SH3BP2: variants seen among roughly 807,000 people sequenced by gnomAD.
SH3BP2 encodes SH3 domain-binding protein 2.
In SH3BP2, 38 loss-of-function variants were observed where a neutral mutation model predicts 56.2. The observed-to-expected ratio is 0.68, with a 90% CI of 0.52 to 0.89. The LOEUF (loss-of-function observed/expected upper bound fraction) is 0.89, where lower values mean the gene tolerates loss of function less well. SH3BP2 is among the 40% of genes least tolerant of loss of function. SH3BP2 has a pLI of 0.00. For synonymous variants in SH3BP2, 346 were observed against 316.7 expected, an observed-to-expected ratio of 1.09 and a Z score of -0.98; for missense variants, 748 against 762.6, an observed-to-expected ratio of 0.98 and a Z score of 0.23.
intron 7 of SH3BP2, among the ~76,000 whole-genome samples, chr4:2,828,513 G>T (rs1724800018): frequency 6.6e-6 from 1 of 152,174 alleles, no homozygotes; most frequent in African/African-American, 2.4e-5. Flanking sequence ...GCTTGCCTCA[G>T]TTTCCTTCCA....
chr4:2,824,766 G>T, intron 4 of SH3BP2, 36 bp downstream of exon 4: 1 of 1,484,878 alleles, frequency 6.7e-7, no homozygotes, highest in Non-Finnish European at 9.4e-7. Flanking sequence ...CAAGGTGACT[G>T]GGGGTGTGGG....
intron 1 of SH3BP2, among the ~76,000 whole-genome samples, chr4:2,816,354 T>G (rs931351233): frequency 3.9e-5 from 6 of 152,280 alleles, no homozygotes; most frequent in Non-Finnish European, 8.8e-5. Flanking sequence ...CTAATAATTT[T>G]TAAGTGGATT....
intron 1 of SH3BP2, chr4:2,818,710 T>TC: frequency 1.0e-6 from 1 of 996,188 alleles, no homozygotes; most frequent in East Asian, 1.0e-4. Context: ...GCGCCTTTGT[T>TC]CCAAACCTTG....
chr4:2,833,370 C>A, intron 12 of SH3BP2: 1 of 571,290 alleles, frequency 1.8e-6, no homozygotes, highest in Non-Finnish European at 3.1e-6. Flanking sequence ...AATTCTGGGG[C>A]TCAAGCAATC....
chr4:2,823,084 G>A (rs773077208), intron 3 of SH3BP2, 47 bp downstream of exon 3: 7 of 1,388,602 alleles, frequency 5.0e-6, no homozygotes, highest in South Asian at 1.2e-5. Context: ...ACAGCCAGCG[G>A]GTCCCTCCCA....
rs558873020 is a variant in SH3BP2 at position 2,804,134 on chromosome 4, G to A, written c.-5+10996G>A. Among the ~76,000 whole-genome samples the A allele has an allele frequency of 5.3e-5, 8 of 152,260 alleles. No homozygotes were observed. In the South Asian group the frequency reaches 1.4e-3, roughly 28 times the overall value. The stretch of plus-strand genomic sequence containing the variant: ...TCCCTGGCCTCGGTTTCCTGCTCTC[G>A]GTTTCCTCAGCTGCCTGGTGGGTTC... On this transcript the variant is annotated intron_variant, in intron 1 of 12. Coordinates refer to ENST00000503393, the MANE Select transcript of SH3BP2 (RefSeq NM_001122681.2).
chr4:2,832,231 A>G (rs1725026347), intron 10 of SH3BP2, 100 bp from the exon 11 acceptor site: 3 of 1,144,364 alleles, frequency 2.6e-6, no homozygotes, highest in Non-Finnish European at 4.0e-6. Context: ...GACCTACAAC[A>G]GCGAGAGGAC....
chr4:2,825,138 T>A lies in SH3BP2; in HGVS notation c.370T>A (p.Leu124Met). ...SEEERKSWMALLRREIGHFHE... is the reference protein window; with the variant it reads ...SEEERKSWMAMLRREIGHFHE... ...CGCTGACCTGCAGAGCTGGATGGCCTTGCTGCGCAGGGAGATTGGCCACTT... is the reference window on the plus strand; with the variant it reads ...CGCTGACCTGCAGAGCTGGATGGCCATGCTGCGCAGGGAGATTGGCCACTT... Residue 124 changes from leucine to methionine, a missense_variant, in exon 5 of 13, where the codon TTG becomes ATG. Transcript: ENST00000503393. 1 of 1,577,112 alleles carries A rather than the reference T, an allele frequency of 6.3e-7. No homozygotes were observed. The highest frequency in any genetic ancestry group is 8.6e-7 in the Non-Finnish European group (1 of 1,161,372).
At chr4:2,815,476 C>T (rs573801236) in intron 1 of SH3BP2, among the ~76,000 whole-genome samples, 3 of 152,344 alleles carry the variant, frequency 2.0e-5, no homozygotes, top group Admixed American at 6.5e-5. Context: ...CAGGCAGGAA[C>T]GAGCCCCTCA....
intron 1 of SH3BP2, among the ~76,000 whole-genome samples, chr4:2,795,582 G>A (rs1004872426): frequency 1.4e-4 from 22 of 152,334 alleles, no homozygotes; most frequent in African/African-American, 5.1e-4. Flanking sequence ...CGGGGAATTT[G>A]CCACAAGGTG....
At chr4:2,820,529 C>A in intron 1 of SH3BP2, 85 bp from the exon 2 acceptor site, 1 of 1,543,252 alleles carries the variant, frequency 6.5e-7, no homozygotes, top group Non-Finnish European at 9.0e-7. Flanking sequence ...TGTCCTGGAT[C>A]TTGGCAGTGT....
intron 1 of SH3BP2, chr4:2,812,127 A>C: frequency 7.5e-7 from 1 of 1,335,850 alleles, no homozygotes. Context: ...AGTGGAAGGT[A>C]GGAGTTAAAA....
At chr4:2,812,196 G>A in intron 1 of SH3BP2, 1 of 1,466,776 alleles carries the variant, frequency 6.8e-7, no homozygotes, top group Non-Finnish European at 9.0e-7. Flanking sequence ...ACCTCACAGG[G>A]TAGAAGGCAG....
chr4:2,793,716 G>A (rs1722972492), intron 1 of SH3BP2: 1 of 152,234 alleles, frequency 6.6e-6, no homozygotes, highest in Admixed American at 6.5e-5. Context: ...GCTTCACGGA[G>A]GGCAAGAAAA....
Position 2,831,893 on chromosome 4 carries a change from G to A in SH3BP2, c.1351-30G>A, listed in dbSNP as rs369347177. On this transcript the variant is annotated intron_variant, in intron 9 of 12. Coordinates refer to ENST00000503393, the MANE Select transcript of SH3BP2 (RefSeq NM_001122681.2). The surrounding 1 kb of genome is among the most constrained non-coding windows in gnomAD (Gnocchi z 4.1). ...GGTGGTGCGGGTGGATCACTCCGAC[G>A]TTGGCACTGACACCGTCAGCCTCTT... 6.2e-6 allele frequency: 10 copies of A among 1,610,754 alleles called. No individual in the cohort carries two copies. The highest frequency in any genetic ancestry group is 3.3e-5 in the South Asian group (3 of 90,970).
At chr4:2,832,693 G>T (rs1005886065) in intron 11 of SH3BP2, among the ~76,000 whole-genome samples, 1 of 152,216 alleles carries the variant, frequency 6.6e-6, no homozygotes, top group African/African-American at 2.4e-5. Flanking sequence ...GCAGGGGAAC[G>T]CCAGGTCTGC....
Position 2,834,164 on chromosome 4 carries a change from G to A in SH3BP2, c.*330G>A, listed in dbSNP as rs903230019. The A allele has an allele frequency of 2.3e-5, 6 of 264,690 alleles. No homozygotes were observed. Among genetic ancestry groups the A allele is most frequent in the Non-Finnish European group, 4.3e-5 (6 of 138,670 alleles). 16.4% of individuals were successfully genotyped at this position (264,690 alleles called of 1,614,324 possible). A position where few individuals can be genotyped will look rare whatever the true frequency, so the allele number is the denominator to read the frequency against. On this transcript the variant is annotated 3_prime_UTR_variant, in exon 13 of 13. Transcript: ENST00000503393. ...CCCCATCACACTCACCCCTAAGTGG[G>A]CTGGGAGCCAGGCAGGGCCAGGGCA...
chr4:2,804,568 T>C (rs1305010644), intron 1 of SH3BP2, among the ~76,000 whole-genome samples: 1 of 152,134 alleles, frequency 6.6e-6, no homozygotes, highest in Non-Finnish European at 1.5e-5. Context: ...GGCCCTGCGG[T>C]AGCTTCCTCC....
At chr4:2,809,756 G>A (rs1046506260) in intron 1 of SH3BP2, 43 of 984,176 alleles carry the variant, frequency 4.4e-5, no homozygotes, top group Non-Finnish European at 5.2e-5. Context: ...CCCAGTGAAA[G>A]CTCCCTCCCT....
Sources: gnomAD v4.1 joint callset for allele counts (sites outside exome capture counted in the v4.1 genomes callset) on GRCh38, gnomAD v4.1.1 for gene constraint, Gnocchi (gnomAD v3.1) non-coding constraint, MANE v1.5 for transcripts, NCBI Gene and HGNC (gene_info 2026-07-23, HGNC 2026-07-21) for gene names.